The following CBLB variants were observed in gnomAD, a reference collection of about 807,000 sequenced individuals.
The protein encoded by CBLB is Cbl proto-oncogene B.
CBLB carries 31 observed loss-of-function variants against 104.9 expected under a neutral mutation model. That is an observed-to-expected ratio of 0.30 (90% CI 0.22 to 0.40). CBLB has a LOEUF of 0.40. CBLB is among the 10% of genes least tolerant of loss of function. CBLB has a pLI of 1.00. For missense variants in CBLB, 1,062 were observed against 1,214.6 expected (o/e 0.87, Z 1.87); for synonymous variants, 440 against 422.6 (o/e 1.04, Z -0.51).
At chr3:105,765,298 G>A (rs183536484) in intron 4 of CBLB, among the ~76,000 whole-genome samples, 2 of 152,214 alleles carry the variant, frequency 1.3e-5, no homozygotes, top group African/African-American at 4.8e-5. Flanking sequence ...GCAATTACTT[G>A]CATATGTACC....
intron 4 of CBLB, among the ~76,000 whole-genome samples, chr3:105,763,376 C>G (rs1485824694): frequency 1.3e-5 from 2 of 152,104 alleles, no homozygotes; most frequent in African/African-American, 4.8e-5. Context: ...TGGCTGTGTC[C>G]CCACCCAAAT....
intron 3 of CBLB, among the ~76,000 whole-genome samples, chr3:105,843,325 G>T (rs1194857791): frequency 6.6e-6 from 1 of 151,990 alleles, no homozygotes; most frequent in Non-Finnish European, 1.5e-5. Flanking sequence ...AAATGAATGT[G>T]GTGTTTGTTG....
intron 3 of CBLB, among the ~76,000 whole-genome samples, chr3:105,795,012 C>T (rs2082101513): frequency 6.6e-6 from 1 of 151,350 alleles, no homozygotes; most frequent in Non-Finnish European, 1.5e-5. Flanking sequence ...CTCCCGGGTT[C>T]AAGAGATTCC....
In CBLB at chr3:105,657,073, A is replaced by C. The variant is rs1231123225; in HGVS notation, c.*1897T>G. On this transcript the variant is annotated 3_prime_UTR_variant, in exon 19 of 19. Coordinates refer to ENST00000394030, the MANE Select transcript of CBLB (RefSeq NM_170662.5). The stretch of plus-strand genomic sequence containing the variant: ...AACCAGCTCAGAACCATCTGAAAAA[A>C]TTCATACAAAAGCAGAAATTACCCA... 1 of 227,096 alleles carries C rather than the reference A, an allele frequency of 4.4e-6. No homozygotes were observed. The highest frequency in any genetic ancestry group is 8.8e-6 in the Non-Finnish European group (1 of 114,130). The allele number at this position is 227,096 out of a possible 1,614,324, so 14.1% of individuals were successfully genotyped here.
chr3:105,776,542 T>C lies in CBLB; in HGVS notation c.420A>G (p.Arg140=). The C allele has an allele frequency of 6.2e-7, 1 of 1,613,658 alleles. No homozygotes were observed. The highest frequency in any genetic ancestry group is 8.5e-7 in the Non-Finnish European group (1 of 1,179,822). ...TAAGGGACAGTTTTGTGAGATTTCG[T>C]CTGTAGGCACAAGGGAAAAAAATGA... ...ERMYEEQSQD[R]RNLTKLSLIF... is the part of the protein sequence containing the mutation. Residue 140 remains arginine (R), a splice_region_variant and synonymous_variant, in exon 4 of 19, where the codon AGA becomes AGG. Transcript: ENST00000394030.
At chr3:105,812,539 G>A (rs561202664) in intron 3 of CBLB, among the ~76,000 whole-genome samples, 2 of 152,320 alleles carry the variant, frequency 1.3e-5, no homozygotes, top group African/African-American at 4.8e-5. Context: ...ATGCTAAGAG[G>A]AAGAAATGAC....
At chr3:105,788,761 CT>C (rs2081309708) in intron 3 of CBLB, among the ~76,000 whole-genome samples, 1 of 152,178 alleles carries the variant, frequency 6.6e-6, no homozygotes, top group African/African-American at 2.4e-5. Flanking sequence ...TTTCCCTCCC[CT>C]TTTACTGAAG....
intron 2 of CBLB, among the ~76,000 whole-genome samples, chr3:105,854,557 T>A (rs2091354187): frequency 6.6e-6 from 1 of 151,788 alleles, no homozygotes; most frequent in Admixed American, 6.6e-5. Context: ...ATAAAGATCA[T>A]AAAGATACAT....
At chr3:105,665,387 A>G (rs1056397866) in intron 18 of CBLB, among the ~76,000 whole-genome samples, 1 of 62,446 alleles carries the variant, frequency 1.6e-5, no homozygotes, top group African/African-American at 5.2e-5. Context: ...CTCTGTCTCC[A>G]AAAAAATAAA....
At position 105,688,900 on chromosome 3, in the gene CBLB, G is replaced by A. The variant is rs77715526; in HGVS notation, c.2055-3434C>T. On this transcript the variant is annotated intron_variant, in intron 13 of 18. Transcript: ENST00000394030. ...ATTTTCACTAACTTGTTTGTAAATC[G>A]GAGAAACAGATTTGAAGTTGCTTTG... 4.6e-3 allele frequency among the ~76,000 whole-genome samples: 702 copies of A among 152,060 alleles called. 7 individuals carry two copies. The highest frequency in any genetic ancestry group is 0.016 in the African/African-American group (663 of 41,510).
chr3:105,736,241 C>G (rs9859480), intron 8 of CBLB, among the ~76,000 whole-genome samples: 151,760 of 152,284 alleles, frequency 1, 75,622 homozygotes, highest in East Asian at 1. Context: ...TCCCCTCCCT[C>G]ACTGCTCAAT....
chr3:105,862,495 C>T (rs2092170051), intron 2 of CBLB, among the ~76,000 whole-genome samples: 1 of 152,178 alleles, frequency 6.6e-6, no homozygotes, highest in Non-Finnish European at 1.5e-5. Context: ...CCTCCCACAT[C>T]TGAACCAACA....
At chr3:105,703,574 G>A (rs2069589262) in intron 11 of CBLB, among the ~76,000 whole-genome samples, 1 of 150,464 alleles carries the variant, frequency 6.6e-6, no homozygotes, top group Non-Finnish European at 1.5e-5. Context: ...CTTGAAACAA[G>A]GGTGATAATT....
intron 3 of CBLB, among the ~76,000 whole-genome samples, chr3:105,792,273 A>G (rs1002499129): frequency 2.0e-5 from 3 of 152,196 alleles, no homozygotes; most frequent in African/African-American, 7.2e-5. Context: ...TCAAGATCTC[A>G]GTACTTACTT....
intron 8 of CBLB, among the ~76,000 whole-genome samples, chr3:105,736,667 A>G (rs2074985171): frequency 6.6e-6 from 1 of 152,176 alleles, no homozygotes; most frequent in South Asian, 2.1e-4. Context: ...TTACATATAT[A>G]GAATTTAAAG....
At chr3:105,862,046 T>A (rs781343075) in intron 2 of CBLB, among the ~76,000 whole-genome samples, 2 of 152,212 alleles carry the variant, frequency 1.3e-5, no homozygotes, top group Non-Finnish European at 2.9e-5. Context: ...TTCTCATCAC[T>A]AATCTATGTA....
chr3:105,833,620 G>A (rs1463235488), intron 3 of CBLB, among the ~76,000 whole-genome samples: 1 of 151,928 alleles, frequency 6.6e-6, no homozygotes, highest in African/African-American at 2.4e-5. Flanking sequence ...AAATATAAAT[G>A]AGTTTAATTC....
chr3:105,848,194 C>T (rs949766936), intron 3 of CBLB, among the ~76,000 whole-genome samples: 2 of 151,952 alleles, frequency 1.3e-5, no homozygotes, highest in African/African-American at 4.8e-5. Flanking sequence ...AACAGAGCAC[C>T]AGCAACAACA....
intron 6 of CBLB, among the ~76,000 whole-genome samples, chr3:105,742,594 G>A (rs919028796): frequency 6.6e-6 from 1 of 151,814 alleles, no homozygotes; most frequent in Non-Finnish European, 1.5e-5. Flanking sequence ...GATATTATGA[G>A]AAGTGCCAAA....
Sources: gnomAD v4.1 joint callset for allele counts (sites outside exome capture counted in the v4.1 genomes callset) on GRCh38, gnomAD v4.1.1 for gene constraint, MANE v1.5 for transcripts, NCBI Gene and HGNC (gene_info 2026-07-23, HGNC 2026-07-21) for gene names.